ADAMTS7: variants seen among roughly 807,000 people sequenced by gnomAD.
The protein encoded by ADAMTS7 is ADAM metallopeptidase with thrombospondin type 1 motif 7, also known as A disintegrin and metalloproteinase with thrombospondin motifs 7.
In ADAMTS7, 89 loss-of-function variants were observed where a neutral mutation model predicts 172.6. The ratio of observed to expected loss-of-function variants is 0.52; its 90% confidence interval spans 0.43 to 0.61. ADAMTS7 has a LOEUF of 0.61. Among genes scored for constraint, ADAMTS7 ranks in the 20% least tolerant of loss-of-function variants. The probability of loss-of-function intolerance (pLI) is 0.00; values close to 1 mark genes in which losing one functional copy is unlikely to be tolerated. For missense variants in ADAMTS7, 1,973 were observed against 2,355.6 expected, an observed-to-expected ratio of 0.84 and a Z score of 3.36; for synonymous variants, 885 against 978.4, an observed-to-expected ratio of 0.90 and a Z score of 1.78.
chr15:78,809,082 C>G (rs752253155), intron 1 of ADAMTS7, among the ~76,000 whole-genome samples: 1 of 152,142 alleles, frequency 6.6e-6, no homozygotes, highest in Non-Finnish European at 1.5e-5. Context: ...ATGCCCTCCT[C>G]TGTGAGTTCT....
rs2055237651 is a variant in ADAMTS7, at chr15:78,770,937, A to C, written c.2518+225T>G. On this transcript the variant is annotated intron_variant, in intron 16 of 23. Transcript: ENST00000388820. ...GAACGCCAAGAGCTGGAGCACACTGAACATGCGCCGCGAGCCAGCACCCAC... is the reference window on the plus strand; with the variant it reads ...GAACGCCAAGAGCTGGAGCACACTGCACATGCGCCGCGAGCCAGCACCCAC... 10 of 602,838 alleles carry C rather than the reference A, an allele frequency of 1.7e-5. No homozygotes were observed. The East Asian group carries it at 2.6e-4, about 16-fold the overall frequency. 37.3% of individuals were successfully genotyped at this position (602,838 alleles called of 1,614,324 possible).
chr15:78,779,369 GC>G (rs770468382), intron 8 of ADAMTS7, among the ~76,000 whole-genome samples: 5 of 152,110 alleles, frequency 3.3e-5, no homozygotes, highest in Non-Finnish European at 7.4e-5. Flanking sequence ...TAGGTCACTG[GC>G]CCCGGGTCGC....
chr15:78,785,197 ATCTG>A (rs1175984014), intron 8 of ADAMTS7, among the ~76,000 whole-genome samples: 1 of 152,142 alleles, frequency 6.6e-6, no homozygotes, highest in East Asian at 1.9e-4. Context: ...CTATTAAAGG[ATCTG>A]GAAGGCCTGG....
intron 1 of ADAMTS7, among the ~76,000 whole-genome samples, chr15:78,806,121 CACACACAAAAAAAAAA>C (rs2055789119): frequency 8.8e-5 from 2 of 22,640 alleles, no homozygotes; most frequent in Admixed American, 1.7e-3. Flanking sequence ...CACACACACA[CACACACAAAAAAAAAA>C]AAAAAAAAAA....
intron 23 of ADAMTS7, chr15:78,761,786 G>T (rs1205992561): frequency 6.6e-5 from 63 of 952,206 alleles, no homozygotes; most frequent in Admixed American, 1.8e-4. Context: ...GCTGGAGGCG[G>T]CGGCAGGGGT....
chr15:78,807,475 T>C (rs1333987077), intron 1 of ADAMTS7, among the ~76,000 whole-genome samples: 1 of 152,206 alleles, frequency 6.6e-6, no homozygotes, highest in Non-Finnish European at 1.5e-5. Flanking sequence ...CAGGGCTAAG[T>C]AGAGCTATGC....
At chr15:78,760,296 G>A (rs1266099790) in intron 23 of ADAMTS7, among the ~76,000 whole-genome samples, 1 of 152,208 alleles carries the variant, frequency 6.6e-6, no homozygotes, top group Non-Finnish European at 1.5e-5. Context: ...TTGGGAAGTG[G>A]CTTGTTTCCA....
At position 78,811,299 on chromosome 15, in the gene ADAMTS7, TCCGGCTCAGGACATGCCCGG is replaced by T; in HGVS notation, c.-99_-80del. On this transcript the variant is annotated 5_prime_UTR_variant, in exon 1 of 24. An upstream start codon of the reference 5' UTR is lost. Coordinates refer to ENST00000388820, the MANE Select transcript of ADAMTS7 (RefSeq NM_014272.5). Reference sequence around the variant, plus strand: ...CGTCCGGTCGCTGCCTGGTCCCAGGTCCGGCTCAGGACATGCCCGGCCGGCGTGCAGCTCCCGGCGACCCG... The same window carrying T: ...CGTCCGGTCGCTGCCTGGTCCCAGGTCCGGCGTGCAGCTCCCGGCGACCCG... 1 of 1,215,198 alleles carries T rather than the reference TCCGGCTCAGGACATGCCCGG, an allele frequency of 8.2e-7. No homozygotes were observed. Among genetic ancestry groups the T allele is most frequent in the Admixed American group, 4.3e-5 (1 of 23,138 alleles). 75.3% of individuals were successfully genotyped at this position (1,215,198 alleles called of 1,614,324 possible).
intron 1 of ADAMTS7, among the ~76,000 whole-genome samples, chr15:78,804,497 C>T (rs192580740): frequency 3.1e-3 from 477 of 152,332 alleles, no homozygotes; most frequent in Admixed American, 0.011. Flanking sequence ...AATGCCTGAG[C>T]GCCCTGCTGA....
chr15:78,796,866 C>T, intron 3 of ADAMTS7, 80 bp from the exon 4 acceptor site: 2 of 1,328,734 alleles, frequency 1.5e-6, no homozygotes, highest in South Asian at 1.4e-5. Context: ...CCTCAGTGAG[C>T]TCTCTCTGGG....
chr15:78,768,009 C>T (rs2141477468), intron 17 of ADAMTS7, 124 bp downstream of exon 17: 2 of 388,408 alleles, frequency 5.1e-6, no homozygotes, highest in South Asian at 5.6e-5. Context: ...GGACCTGTGG[C>T]AGACCCAGGA....
intron 1 of ADAMTS7, among the ~76,000 whole-genome samples, chr15:78,805,593 A>C (rs2055777407): frequency 6.6e-6 from 1 of 152,222 alleles, no homozygotes; most frequent in South Asian, 2.1e-4. Flanking sequence ...AAGAATGGAA[A>C]AGTGGGAAAA....
At chr15:78,792,774 A>G (rs1169929225) in intron 4 of ADAMTS7, among the ~76,000 whole-genome samples, 1 of 152,180 alleles carries the variant, frequency 6.6e-6, no homozygotes, top group Non-Finnish European at 1.5e-5. Context: ...AGATTGCACC[A>G]CTGCACTCCG....
At chr15:78,805,497 T>A (rs2055776244) in intron 1 of ADAMTS7, among the ~76,000 whole-genome samples, 1 of 152,148 alleles carries the variant, frequency 6.6e-6, no homozygotes, top group Admixed American at 6.5e-5. Flanking sequence ...CGGTCCTCAG[T>A]CCCCACCACT....
At chr15:78,767,731 A>T in intron 17 of ADAMTS7, 139 bp from the exon 18 acceptor site, 1 of 794,646 alleles carries the variant, frequency 1.3e-6, no homozygotes, top group Non-Finnish European at 1.9e-6. Context: ...TTGATTCTCC[A>T]GAGCTCCAAG....
chr15:78,800,558 A>G lies in ADAMTS7; in HGVS notation c.101-11T>C. The stretch of plus-strand genomic sequence containing the variant: ...CCTCGGTTGCACGTCCTGCAGGGAG[A>G]GAACCACAAACGCCTAGGCCCAGGG... On this transcript the variant is annotated splice_polypyrimidine_tract_variant and intron_variant, in intron 1 of 23. Transcript: ENST00000388820. The G allele has an allele frequency of 1.3e-6, 2 of 1,578,606 alleles. No individual in the cohort carries two copies. Among genetic ancestry groups the G allele is most frequent in the Non-Finnish European group, 8.6e-7 (1 of 1,162,626 alleles).
chr15:78,810,912 G>A (rs916646736), intron 1 of ADAMTS7: 5 of 443,154 alleles, frequency 1.1e-5, no homozygotes, highest in Non-Finnish European at 1.8e-5. Flanking sequence ...ATCAGGGGCC[G>A]AGGAAGTTTC....
At chr15:78,761,950 T>C in intron 23 of ADAMTS7, 1 of 985,386 alleles carries the variant, frequency 1.0e-6, no homozygotes, top group South Asian at 4.7e-5. Context: ...AGGCCCTTCC[T>C]GTGGTTCCAT....
Position 78,762,402 on chromosome 15 carries a change from C to A in ADAMTS7, c.4903+1G>T. 6.8e-7 allele frequency: 1 copy of A among 1,460,856 alleles called. No homozygotes were observed. Among genetic ancestry groups the A allele is most frequent in the Non-Finnish European group, 9.1e-7 (1 of 1,101,688 alleles). 90.5% of individuals were successfully genotyped at this position (1,460,856 alleles called of 1,614,324 possible). A position where few individuals can be genotyped will look rare whatever the true frequency, so the allele number is the denominator to read the frequency against. On this transcript the variant is annotated splice_donor_variant, in intron 23 of 23. Transcript: ENST00000388820. LOFTEE classifies it high-confidence loss of function. ...AGGGAGCCTGGGGTCAGGGGACTCA[C>A]GGGGAGGCTCGACGGGCTCACAATC...
Sources: gnomAD v4.1 joint callset for allele counts (sites outside exome capture counted in the v4.1 genomes callset) on GRCh38, gnomAD v4.1.1 for gene constraint, MANE v1.5 for transcripts, NCBI Gene and HGNC (gene_info 2026-07-23, HGNC 2026-07-21) for gene names.